SAMMSON: variants seen among roughly 807,000 people sequenced by gnomAD.
SAMMSON encodes the protein survival associated mitochondrial melanoma specific oncogenic non-coding RNA.
intron 3 of SAMMSON, among the ~76,000 whole-genome samples, chr3:70,062,990 T>G (rs548019575): frequency 6.6e-6 from 1 of 152,192 alleles, no homozygotes; most frequent in South Asian, 2.1e-4. Context: ...CTTCATCACC[T>G]GGTGTCCCTT....
intron 7 of SAMMSON, among the ~76,000 whole-genome samples, chr3:70,346,783 G>A (rs147162586): frequency 5.5e-4 from 84 of 152,072 alleles, no homozygotes; most frequent in African/African-American, 2.0e-3. Flanking sequence ...TTGTTTTCAA[G>A]AACAAAATTG....
intron 1 of SAMMSON, among the ~76,000 whole-genome samples, chr3:70,002,851 G>A (rs1042756954): frequency 6.6e-6 from 1 of 152,124 alleles, no homozygotes; most frequent in South Asian, 2.1e-4. Context: ...AGTATTCTAT[G>A]TACTTGCTTT....
chr3:70,292,703 A>G (rs1452813648), intron 7 of SAMMSON, among the ~76,000 whole-genome samples: 1 of 152,040 alleles, frequency 6.6e-6, no homozygotes, highest in Non-Finnish European at 1.5e-5. Context: ...TTTGATGTAC[A>G]CATACTTAAA....
chr3:70,275,926 T>G (rs1702020906), intron 6 of SAMMSON, among the ~76,000 whole-genome samples: 1 of 152,178 alleles, frequency 6.6e-6, no homozygotes, highest in South Asian at 2.1e-4. Flanking sequence ...ATGCAAATCA[T>G]GGTAACTAAT....
At chr3:70,292,689 C>G (rs1157900817) in intron 7 of SAMMSON, among the ~76,000 whole-genome samples, 1 of 151,990 alleles carries the variant, frequency 6.6e-6, no homozygotes, top group Non-Finnish European at 1.5e-5. Flanking sequence ...AATGTTTTCT[C>G]TTTTTTGATG....
intron 7 of SAMMSON, among the ~76,000 whole-genome samples, chr3:70,317,229 T>TTATA (rs1380807648): frequency 1.3e-5 from 2 of 152,040 alleles, no homozygotes; most frequent in Non-Finnish European, 2.9e-5. Flanking sequence ...CAGGCATATC[T>TTATA]TATATTATTG....
chr3:70,078,394 G>A lies in SAMMSON; in HGVS notation n.507+6829G>A, dbSNP rs144304694. ...CCGTTTGAAAGGTAATATTCTAAGT[G>A]TGGTTCACTAAGTCTCTGGGTGTGG... On this transcript the variant is annotated intron_variant and non_coding_transcript_variant, in intron 4 of 9. Coordinates refer to ENST00000642114, the Ensembl canonical transcript of SAMMSON. Among the ~76,000 whole-genome samples the A allele has an allele frequency of 3.5e-3, 535 of 152,258 alleles. 5 individuals are homozygous for A. The highest frequency in any genetic ancestry group is 0.012 in the African/African-American group (494 of 41,538).
chr3:70,045,941 C>T (rs1478943111), intron 3 of SAMMSON, among the ~76,000 whole-genome samples: 1 of 152,100 alleles, frequency 6.6e-6, no homozygotes, highest in Admixed American at 6.6e-5. Flanking sequence ...TAACGAGAAA[C>T]GCAAGGAGAA....
At chr3:70,293,457 A>G (rs1412351818) in intron 7 of SAMMSON, among the ~76,000 whole-genome samples, 2 of 152,088 alleles carry the variant, frequency 1.3e-5, no homozygotes, top group South Asian at 2.1e-4. Context: ...AATATCTTTG[A>G]TTTCTATTAG....
At chr3:70,332,243 A>T (rs1182142573) in intron 7 of SAMMSON, among the ~76,000 whole-genome samples, 2 of 152,140 alleles carry the variant, frequency 1.3e-5, no homozygotes, top group African/African-American at 2.4e-5. Flanking sequence ...CTCACTTCAG[A>T]TTTGTGTTTT....
chr3:70,281,801 A>T (rs1702086494), intron 6 of SAMMSON, among the ~76,000 whole-genome samples: 1 of 152,164 alleles, frequency 6.6e-6, no homozygotes, highest in East Asian at 1.9e-4. Context: ...ATTCTTGCAC[A>T]TATGAATCAT....
At chr3:70,223,247 C>T (rs1035410933) in intron 4 of SAMMSON, among the ~76,000 whole-genome samples, 1 of 152,008 alleles carries the variant, frequency 6.6e-6, no homozygotes, top group African/African-American at 2.4e-5. Flanking sequence ...ACAAAGCAAT[C>T]GAAACTCAGA....
At chr3:70,415,648 G>C (rs1701258875) in intron 2 of SAMMSON, among the ~76,000 whole-genome samples, 1 of 152,160 alleles carries the variant, frequency 6.6e-6, no homozygotes, top group Admixed American at 6.5e-5. Context: ...CAATTGTCAG[G>C]TGAGGTCAAT....
At chr3:70,028,179 C>CT (rs1376830990) in intron 3 of SAMMSON, among the ~76,000 whole-genome samples, 83 of 75,018 alleles carry the variant, frequency 1.1e-3, no homozygotes, top group South Asian at 5.7e-3. Context: ...TCCTTCCTTC[C>CT]TTCCTTCCTT....
intron 4 of SAMMSON, among the ~76,000 whole-genome samples, chr3:70,142,579 G>C (rs1216791169): frequency 6.6e-6 from 1 of 151,874 alleles, no homozygotes; most frequent in African/African-American, 2.4e-5. Flanking sequence ...CTACAAATTG[G>C]GTGCAGTGTA....
chr3:70,354,457 T>G (rs560392537), intron 8 of SAMMSON, among the ~76,000 whole-genome samples: 33 of 152,296 alleles, frequency 2.2e-4, no homozygotes, highest in African/African-American at 7.9e-4. Flanking sequence ...AAAATGTGAC[T>G]ATAGAATTAG....
chr3:70,291,422 A>C (rs889120027), intron 7 of SAMMSON, among the ~76,000 whole-genome samples: 1 of 152,172 alleles, frequency 6.6e-6, no homozygotes, highest in African/African-American at 2.4e-5. Flanking sequence ...TAATTTATCA[A>C]AGTAGAGCTA....
intron 7 of SAMMSON, among the ~76,000 whole-genome samples, chr3:70,309,242 TAA>T (rs1702434772): frequency 6.6e-6 from 1 of 152,112 alleles, no homozygotes; most frequent in Non-Finnish European, 1.5e-5. Flanking sequence ...GAGCAAGATG[TAA>T]AGTCTTTCCA....
At chr3:70,338,901 C>G (rs1297958572) in intron 7 of SAMMSON, among the ~76,000 whole-genome samples, 1 of 152,144 alleles carries the variant, frequency 6.6e-6, no homozygotes, top group Non-Finnish European at 1.5e-5. Flanking sequence ...GAAAAAACTA[C>G]TTTAAAGTTC....
Sources: gnomAD v4.1 joint callset for allele counts (sites outside exome capture counted in the v4.1 genomes callset) on GRCh38, gnomAD v4.1.1 for gene constraint, MANE v1.5 for transcripts, NCBI Gene and HGNC (gene_info 2026-07-23, HGNC 2026-07-21) for gene names.